PHACTR4: variants seen among roughly 807,000 people sequenced by gnomAD.
PHACTR4 encodes the protein phosphatase and actin regulator 4.
In PHACTR4, 51 loss-of-function variants were observed where a neutral mutation model predicts 72.7. That is an observed-to-expected ratio of 0.70 (90% CI 0.56 to 0.89). The LOEUF (loss-of-function observed/expected upper bound fraction) is 0.89, where lower values mean the gene tolerates loss of function less well. PHACTR4 is among the 40% of genes least tolerant of loss of function. PHACTR4 has a pLI of 0.00. For synonymous variants in PHACTR4, 255 were observed against 302.5 expected, an observed-to-expected ratio of 0.84 and a Z score of 1.63; for missense variants, 731 against 861.8, an observed-to-expected ratio of 0.85 and a Z score of 1.90.
At chr1:28,483,657 C>T (rs1660427075) in intron 9 of PHACTR4, among the ~76,000 whole-genome samples, 1 of 151,360 alleles carries the variant, frequency 6.6e-6, no homozygotes. Flanking sequence ...AAAAAATTAG[C>T]TGGGTGTGGT....
At chr1:28,474,835 GC>G (rs1424118723) in intron 7 of PHACTR4, among the ~76,000 whole-genome samples, 1 of 152,122 alleles carries the variant, frequency 6.6e-6, no homozygotes, top group South Asian at 2.1e-4. Flanking sequence ...GAGCCACCGC[GC>G]CCAGCATTGT....
chr1:28,411,868 C>T (rs1654812672), intron 2 of PHACTR4, among the ~76,000 whole-genome samples: 2 of 133,510 alleles, frequency 1.5e-5, no homozygotes, highest in Non-Finnish European at 3.1e-5. Flanking sequence ...AAAGAAAGAA[C>T]GAATGAACAA....
At chr1:28,454,716 A>G (rs1050717592) in intron 2 of PHACTR4, among the ~76,000 whole-genome samples, 1 of 152,192 alleles carries the variant, frequency 6.6e-6, no homozygotes, top group African/African-American at 2.4e-5. Flanking sequence ...CAATTGCACA[A>G]TACACTTTCC....
chr1:28,391,761 A>G (rs868395674), intron 1 of PHACTR4, among the ~76,000 whole-genome samples: 54 of 151,754 alleles, frequency 3.6e-4, no homozygotes, highest in African/African-American at 1.2e-3. Context: ...ATGCACCACC[A>G]TGCCCAGCTA....
In PHACTR4 at chr1:28,400,230, G is replaced by A. The variant is rs145027117; in HGVS notation, c.-38-7180G>A. The stretch of plus-strand genomic sequence containing the variant: ...TCTTCTAAAAATACAAAAATTAGCC[G>A]GGCGTCTTGGCGCACGCCTGTAATC... On this transcript the variant is annotated intron_variant, in intron 1 of 13. Transcript: ENST00000373839. 6.4e-3 allele frequency among the ~76,000 whole-genome samples: 976 copies of A among 152,046 alleles called. 11 individuals are homozygous for A. The highest frequency in any genetic ancestry group is 0.022 in the African/African-American group (921 of 41,498).
chr1:28,487,522 A>C (rs1024097161), intron 9 of PHACTR4, among the ~76,000 whole-genome samples: 1 of 146,898 alleles, frequency 6.8e-6, no homozygotes, highest in African/African-American at 2.5e-5. Context: ...CACACACAAA[A>C]AAAAAAAAAA....
rs1197069007 is a variant in PHACTR4 at position 28,418,308 on chromosome 1, C to CAAA, written c.16+10855_16+10857dup. On this transcript the variant is annotated intron_variant, in intron 2 of 13. Coordinates refer to ENST00000373839, the MANE Select transcript of PHACTR4 (RefSeq NM_001048183.3). ...CGAAAGCCTGACTCTACTAAAAATACAAAAAAAAAAAATAATAATAATAAT... is the reference window on the plus strand; with the variant it reads ...CGAAAGCCTGACTCTACTAAAAATACAAAAAAAAAAAAAAATAATAATAATAAT... 1.5e-5 allele frequency among the ~76,000 whole-genome samples: 2 copies of CAAA among 130,102 alleles called. 1 individual carries two copies. Among genetic ancestry groups the CAAA allele is most frequent in the South Asian group, 4.7e-4 (2 of 4,278 alleles). 85.4% of individuals were successfully genotyped at this position (130,102 alleles called of 152,430 possible).
At chr1:28,477,431 C>T (rs1027186236) in intron 8 of PHACTR4, among the ~76,000 whole-genome samples, 3 of 151,690 alleles carry the variant, frequency 2.0e-5, no homozygotes, top group Non-Finnish European at 4.4e-5. Context: ...CCTTGACCTC[C>T]CAAAGCTCTA....
At chr1:28,415,649 A>G (rs1236273361) in intron 2 of PHACTR4, among the ~76,000 whole-genome samples, 1 of 152,206 alleles carries the variant, frequency 6.6e-6, no homozygotes, top group African/African-American at 2.4e-5. Context: ...CCTCTCTTGT[A>G]TAAATATGAA....
intron 2 of PHACTR4, among the ~76,000 whole-genome samples, chr1:28,449,446 C>T (rs1330973222): frequency 6.6e-6 from 1 of 152,128 alleles, no homozygotes; most frequent in Non-Finnish European, 1.5e-5. Context: ...TCTCATATCT[C>T]CATCAAGTTA....
At chr1:28,493,462 C>T (rs868345947) in intron 13 of PHACTR4, among the ~76,000 whole-genome samples, 1 of 150,406 alleles carries the variant, frequency 6.6e-6, no homozygotes, top group African/African-American at 2.5e-5. Flanking sequence ...CACTTGAACC[C>T]GGGAGATGGA....
intron 8 of PHACTR4, among the ~76,000 whole-genome samples, chr1:28,479,823 G>A (rs1660167071): frequency 1.3e-5 from 2 of 152,134 alleles, no homozygotes. Flanking sequence ...AACCTGGGAG[G>A]CGGAGGTTGC....
At chr1:28,387,901 T>C (rs1241004039) in intron 1 of PHACTR4, among the ~76,000 whole-genome samples, 1 of 152,034 alleles carries the variant, frequency 6.6e-6, no homozygotes, top group Non-Finnish European at 1.5e-5. Context: ...CTAATTTTTG[T>C]ATCTTTAGTA....
In PHACTR4 at chr1:28,414,427, C is replaced by CAAAAA. The variant is rs765271793; in HGVS notation, c.16+6982_16+6986dup. On this transcript the variant is annotated intron_variant, in intron 2 of 13. Transcript: ENST00000373839. ...TTTTGGGGTCAGTCTTCCTCTGTCT[C>CAAAAA]AAAAAAAAAAAAAAAAAAAAAAGCA... is the stretch of plus-strand genomic sequence containing the variant. Among the ~76,000 whole-genome samples the CAAAAA allele has an allele frequency of 2.7e-3, 165 of 61,220 alleles. 4 individuals carry two copies. Among genetic ancestry groups the CAAAAA allele is most frequent in the African/African-American group, 7.8e-3 (157 of 20,152 alleles). 40.2% of individuals were successfully genotyped at this position (61,220 alleles called of 152,430 possible).
chr1:28,408,129 A>C (rs1654492811), intron 2 of PHACTR4, among the ~76,000 whole-genome samples: 1 of 152,232 alleles, frequency 6.6e-6, no homozygotes, highest in South Asian at 2.1e-4. Context: ...CAAAAAAAGA[A>C]AAATAAGTAA....
chr1:28,427,888 A>AC (rs1655974779), intron 2 of PHACTR4, among the ~76,000 whole-genome samples: 1 of 152,216 alleles, frequency 6.6e-6, no homozygotes, highest in Non-Finnish European at 1.5e-5. Context: ...AATAATTATA[A>AC]TCTAATTCAT....
chr1:28,452,610 G>A (rs947084263), intron 2 of PHACTR4, among the ~76,000 whole-genome samples: 9 of 151,758 alleles, frequency 5.9e-5, no homozygotes, highest in African/African-American at 2.2e-4. Context: ...TTCAAGACCA[G>A]CCTGGCCAAC....
At chr1:28,444,215 T>TG (rs1491125604) in intron 2 of PHACTR4, among the ~76,000 whole-genome samples, 11 of 41,392 alleles carry the variant, frequency 2.7e-4, no homozygotes, top group Non-Finnish European at 5.0e-5. Flanking sequence ...TATATTTGGC[T>TG]TTTTTTTTTT....
At chr1:28,426,929 G>A (rs1402279069) in intron 2 of PHACTR4, among the ~76,000 whole-genome samples, 2 of 152,150 alleles carry the variant, frequency 1.3e-5, no homozygotes, top group Non-Finnish European at 2.9e-5. Flanking sequence ...AGATGGAAAT[G>A]TTCTGTATCT....
Sources: gnomAD v4.1 joint callset for allele counts (sites outside exome capture counted in the v4.1 genomes callset) on GRCh38, gnomAD v4.1.1 for gene constraint, MANE v1.5 for transcripts, NCBI Gene and HGNC (gene_info 2026-07-23, HGNC 2026-07-21) for gene names.